OTULIN: variants seen among roughly 807,000 people sequenced by gnomAD.
OTULIN encodes the protein OTU deubiquitinase with linear linkage specificity, also known as ubiquitin thioesterase otulin.
OTULIN carries 15 observed loss-of-function variants against 39.6 expected under a neutral mutation model. That is an observed-to-expected ratio of 0.38 (90% CI 0.25 to 0.58). The LOEUF (loss-of-function observed/expected upper bound fraction) is 0.58. Among genes scored for constraint, OTULIN ranks in the 20% least tolerant of loss-of-function variants. The probability of loss-of-function intolerance (pLI) is 0.66; values close to 1 mark genes in which losing one functional copy is unlikely to be tolerated. For missense variants in OTULIN, 319 were observed against 445.9 expected, an observed-to-expected ratio of 0.72 and a Z score of 2.56; for synonymous variants, 156 against 170.3, an observed-to-expected ratio of 0.92 and a Z score of 0.65.
chr5:14,675,236 C>T (rs1418335305), intron 2 of OTULIN, among the ~76,000 whole-genome samples: 1 of 152,214 alleles, frequency 6.6e-6, no homozygotes, highest in Non-Finnish European at 1.5e-5. Context: ...TCATAAAACT[C>T]ATTTTCCATG....
In OTULIN at chr5:14,675,195, C is replaced by G. The variant is rs905000238; in HGVS notation, c.229+1477C>G. 1.1e-4 allele frequency among the ~76,000 whole-genome samples: 17 copies of G among 151,720 alleles called. 1 individual carries two copies. The highest frequency in any genetic ancestry group is 1.1e-3 in the Admixed American group (16 of 15,232). ...AGTTAGTATGAGTTTATTATGGTGCCAAAAAAAATTGAAATCCGTCCATAG... is the reference window on the plus strand; with the variant it reads ...AGTTAGTATGAGTTTATTATGGTGCGAAAAAAAATTGAAATCCGTCCATAG... On this transcript the variant is annotated intron_variant, in intron 2 of 6. Coordinates refer to ENST00000284274, the MANE Select transcript of OTULIN (RefSeq NM_138348.6).
In OTULIN at chr5:14,687,547, C is replaced by G. The variant is rs1388182027; in HGVS notation, c.495C>G (p.Tyr165Ter). The G allele has an allele frequency of 6.2e-7, 1 of 1,613,814 alleles. No individual in the cohort carries two copies. Among genetic ancestry groups the G allele is most frequent in the Non-Finnish European group, 8.5e-7 (1 of 1,179,926 alleles). The change falls in exon 5 of 7, where the codon TAC (tyrosine) becomes TAG (stop). Residue 165 changes from tyrosine (Y) to a stop codon, truncating the protein, a stop_gained. Transcript: ENST00000284274. LOFTEE classifies it high-confidence loss of function. ...MLLPEKLISK[Y>*]NWIKQWKLGL... ...TACCAGAAAAACTCATAAGCAAATA[C>G]AACTGGATCAAGCAATGGAAACTTG...
At chr5:14,703,464 G>A (rs559843495), downstream of OTULIN, among the ~76,000 whole-genome samples, 8 of 152,226 alleles carry the variant, frequency 5.3e-5, no homozygotes, top group African/African-American at 1.9e-4. Context: ...AGAGGAAGGC[G>A]TGGAAGGCAG....
At position 14,664,908 on chromosome 5, in the gene OTULIN, C is replaced by T; in HGVS notation, c.83C>T (p.Thr28Met). ...ACGCCGGCGCGGGAGGCGGCGGCCACGGCGCGGGACGGCGGGAAGGCGGCG... is the reference window on the plus strand; with the variant it reads ...ACGCCGGCGCGGGAGGCGGCGGCCATGGCGCGGGACGGCGGGAAGGCGGCG... ...AETPAREAAA[T>M]ARDGGKAAAS... Residue 28 changes from threonine to methionine, a missense_variant, in exon 1 of 7, where the codon ACG (threonine) becomes ATG (methionine). Physicochemically the swap from Thr to Met is moderately conservative, Grantham distance 81. Coordinates refer to ENST00000284274, the MANE Select transcript of OTULIN (RefSeq NM_138348.6). 1 of 1,170,624 alleles carries T rather than the reference C, an allele frequency of 8.5e-7. No individual in the cohort carries two copies. Among genetic ancestry groups the T allele is most frequent in the Non-Finnish European group, 1.0e-6 (1 of 954,434 alleles). The allele number at this position is 1,170,624 out of a possible 1,614,324, so 72.5% of individuals were successfully genotyped here.
chr5:14,704,611 CAG>C (rs1217533450), downstream of OTULIN, among the ~76,000 whole-genome samples: 1 of 152,030 alleles, frequency 6.6e-6, no homozygotes, highest in African/African-American at 2.4e-5. Flanking sequence ...TTAAGTAAGA[CAG>C]GGAGTTTAGA....
At chr5:14,715,288 C>T in the OTULIN span, among the ~76,000 whole-genome samples, 2 of 152,172 alleles carry the variant, frequency 1.3e-5, no homozygotes, top group South Asian at 2.1e-4. Flanking sequence ...TGCGCCACCA[C>T]GCCTGGCTAA....
chr5:14,689,756 G>C (rs959020931), intron 5 of OTULIN, among the ~76,000 whole-genome samples: 1 of 152,152 alleles, frequency 6.6e-6, no homozygotes, highest in Non-Finnish European at 1.5e-5. Context: ...TGATTGGCTG[G>C]TTCAATCTCA....
downstream of OTULIN, among the ~76,000 whole-genome samples, chr5:14,704,516 G>T (rs1041319587): frequency 2.6e-5 from 4 of 152,042 alleles, no homozygotes; most frequent in East Asian, 7.7e-4. Context: ...GTTGGAGAGG[G>T]TTCAGAGAAG....
chr5:14,716,125 C>T, the OTULIN span, among the ~76,000 whole-genome samples: 4 of 152,162 alleles, frequency 2.6e-5, no homozygotes, highest in African/African-American at 7.2e-5. Context: ...GACAGAGGGC[C>T]GTTTTATTGT....
intron 1 of OTULIN, among the ~76,000 whole-genome samples, chr5:14,671,330 G>A (rs944853705): frequency 6.6e-6 from 1 of 152,232 alleles, no homozygotes; most frequent in Non-Finnish European, 1.5e-5. Flanking sequence ...AACTGGAAGA[G>A]GAACCATGTA....
intron 2 of OTULIN, among the ~76,000 whole-genome samples, chr5:14,674,738 G>A (rs1289682459): frequency 6.6e-6 from 1 of 151,942 alleles, no homozygotes; most frequent in Non-Finnish European, 1.5e-5. Flanking sequence ...CTGGGTAACA[G>A]TGAGACCTTG....
At chr5:14,706,121 C>T in the OTULIN span, 1 of 152,112 alleles carries the variant, frequency 6.6e-6, no homozygotes, top group East Asian at 1.9e-4. Context: ...TTCTTGTGTG[C>T]TTTTGTTTAC....
chr5:14,671,956 C>T lies in OTULIN; in HGVS notation c.153-1686C>T, dbSNP rs150742789. Among the ~76,000 whole-genome samples, 439 of 152,012 alleles carry T rather than the reference C, an allele frequency of 2.9e-3. 4 individuals carry two copies. The highest frequency in any genetic ancestry group is 9.8e-3 in the African/African-American group (407 of 41,438). On this transcript the variant is annotated intron_variant, in intron 1 of 6. Transcript: ENST00000284274. The stretch of plus-strand genomic sequence containing the variant: ...TTGACAGGTGGTTAAATCTAGATGC[C>T]GAGAGGTGTAGTTACTCTAGTCATA...
Position 14,690,443 on chromosome 5 carries a change from C to A in OTULIN, c.864+135C>A. On this transcript the variant is annotated intron_variant, in intron 6 of 6. Transcript: ENST00000284274. This position sits in a 1 kb window ranked among gnomAD's most constrained non-coding sequence, Gnocchi z 4.5. Reference sequence around the variant, plus strand: ...GGTTCTGGCTCAGGATGTCATGAGGCTGCAGTTGTATGTTCAGGGCTGCAG... The same window carrying A: ...GGTTCTGGCTCAGGATGTCATGAGGATGCAGTTGTATGTTCAGGGCTGCAG... The A allele has an allele frequency of 9.4e-7, 1 of 1,068,856 alleles. No individual in the cohort carries two copies. The highest frequency in any genetic ancestry group is 1.3e-6 in the Non-Finnish European group (1 of 749,118). 66.2% of individuals were successfully genotyped at this position (1,068,856 alleles called of 1,614,324 possible).
rs115714619 is a variant in OTULIN at position 14,672,082 on chromosome 5, A to G, written c.153-1560A>G. On this transcript the variant is annotated intron_variant, in intron 1 of 6. Coordinates refer to ENST00000284274, the MANE Select transcript of OTULIN (RefSeq NM_138348.6). ...ACTCCAATCATTGCACTCTGCATGCAGAGGGCTTACCCACATGGCGTGTAT... is the reference window on the plus strand; with the variant it reads ...ACTCCAATCATTGCACTCTGCATGCGGAGGGCTTACCCACATGGCGTGTAT... Among the ~76,000 whole-genome samples the G allele has an allele frequency of 5.5e-4, 84 of 152,310 alleles. 1 individual carries two copies. The highest frequency in any genetic ancestry group is 2.0e-3 in the African/African-American group (84 of 41,570).
At chr5:14,679,127 G>A (rs934430616) in intron 3 of OTULIN, among the ~76,000 whole-genome samples, 1 of 152,136 alleles carries the variant, frequency 6.6e-6, no homozygotes. Flanking sequence ...GCCTCAGGCC[G>A]ATTCCACACT....
intron 2 of OTULIN, among the ~76,000 whole-genome samples, chr5:14,677,531 T>C (rs1313267615): frequency 1.3e-5 from 2 of 152,204 alleles, no homozygotes; most frequent in Non-Finnish European, 2.9e-5. Context: ...ACACACACAC[T>C]AATATGTGCA....
At chr5:14,715,990 C>T in the OTULIN span, among the ~76,000 whole-genome samples, 4 of 152,312 alleles carry the variant, frequency 2.6e-5, no homozygotes, top group East Asian at 5.8e-4. Context: ...TAGCAATACG[C>T]TCACTCTATT....
At chr5:14,675,908 C>T (rs1366951687) in intron 2 of OTULIN, among the ~76,000 whole-genome samples, 3 of 152,196 alleles carry the variant, frequency 2.0e-5, no homozygotes, top group East Asian at 1.9e-4. Context: ...TCTGACTTGC[C>T]ACCTGGTTTT....
Sources: gnomAD v4.1 joint callset for allele counts (sites outside exome capture counted in the v4.1 genomes callset) on GRCh38, gnomAD v4.1.1 for gene constraint, Gnocchi (gnomAD v3.1) non-coding constraint, MANE v1.5 for transcripts, NCBI Gene and HGNC (gene_info 2026-07-23, HGNC 2026-07-21) for gene names.